CBLN3: variants seen among roughly 807,000 people sequenced by gnomAD.
CBLN3 encodes the protein cerebellin-3.
In CBLN3, 14 loss-of-function variants were observed where a neutral mutation model predicts 17.4. The observed-to-expected ratio is 0.81, with a 90% CI of 0.53 to 1.26. The LOEUF (loss-of-function observed/expected upper bound fraction) is 1.26. CBLN3 is among the 50% of genes most tolerant of loss of function. The pLI is 0.00. For missense variants in CBLN3, 263 were observed against 268.5 expected, an observed-to-expected ratio of 0.98 and a Z score of 0.14; for synonymous variants, 129 against 117.4, an observed-to-expected ratio of 1.10 and a Z score of -0.64.
chr14:24,428,628 C>G, intron 1 of CBLN3, 127 bp downstream of exon 1: 1 of 1,201,576 alleles, frequency 8.3e-7, no homozygotes, highest in Non-Finnish European at 1.2e-6. Context: ...GGCAATAGGC[C>G]AGATTAGTGA....
rs2043025038 is a variant in CBLN3 at position 24,426,849 on chromosome 14, T to C, written c.*940A>G. On this transcript the variant is annotated 3_prime_UTR_variant, in exon 3 of 3. Transcript: ENST00000267406. ...CAGCACAGATCAGGAGAAAGAGAGA[T>C]AGTGGGGATATGCTGGAACAGGTAC... 1 of 152,130 alleles carries C rather than the reference T, an allele frequency of 6.6e-6. No individual in the cohort carries two copies. The highest frequency in any genetic ancestry group is 3.2e-3 in the Middle Eastern group (1 of 314). The allele number at this position is 152,130 out of a possible 1,614,324, so 9.4% of individuals were successfully genotyped here. A position where few individuals can be genotyped will look rare whatever the true frequency, so the allele number is the denominator to read the frequency against.
chr14:24,428,210 C>A, intron 2 of CBLN3, 76 bp downstream of exon 2: 1 of 1,575,430 alleles, frequency 6.3e-7, no homozygotes, highest in Non-Finnish European at 8.6e-7. Flanking sequence ...AGAGTCCACC[C>A]GGAGGTCAGC....
At position 24,429,070 on chromosome 14, in the gene CBLN3, C is replaced by T; in HGVS notation, c.-16G>A. On this transcript the variant is annotated 5_prime_UTR_variant, in exon 1 of 3. Coordinates refer to ENST00000267406, the MANE Select transcript of CBLN3 (RefSeq NM_001039771.3). ...CTCCCAACATGGCTGAGGGGCTCTG[C>T]AACCCACAAGTGCCCCGGTCTTCTG... 6.8e-7 allele frequency: 1 copy of T among 1,478,682 alleles called. No individual in the cohort carries two copies. Among genetic ancestry groups the T allele is most frequent in the South Asian group, 1.3e-5 (1 of 74,806 alleles). The allele number at this position is 1,478,682 out of a possible 1,614,324, so 91.6% of individuals were successfully genotyped here.
rs1178395812 is a variant in CBLN3 at position 24,428,983 on chromosome 14, A to C, written c.72T>G (p.Leu24=). The part of the protein sequence containing the change: ...HSPGLPLVLV[L]LALGAGWAQE... ...GGGCCCACCCGGCCCCCAGGGCCAG[A>C]AGCACCAGAACCAAGGGCAGCCCGG... The change falls in exon 1 of 3, where the codon CTT becomes CTG. Residue 24 remains leucine, a synonymous_variant. Coordinates refer to ENST00000267406, the MANE Select transcript of CBLN3 (RefSeq NM_001039771.3). 6.4e-7 allele frequency: 1 copy of C among 1,550,676 alleles called. No homozygotes were observed. The highest frequency in any genetic ancestry group is 1.2e-5 in the South Asian group (1 of 84,056).
Position 24,428,773 on chromosome 14 carries a change from C to T in CBLN3, c.282G>A (p.Gly94=). The T allele has an allele frequency of 3.1e-6, 5 of 1,598,538 alleles. No homozygotes were observed. The highest frequency in any genetic ancestry group is 4.3e-6 in the Non-Finnish European group (5 of 1,170,238). ...PAGETGNGTS[G]AIYFDQVLVN... ...GGATTACCTGGTCGAAGTAGATGGC[C>T]CCACTGGTGCCATTGCCGGTTTCCC... Residue 94 remains glycine (G), a synonymous_variant, in exon 1 of 3, where the codon GGG becomes GGA. Transcript: ENST00000267406.
rs989682311 is a variant in CBLN3 at position 24,429,134 on chromosome 14, C to G, written c.-80G>C. On this transcript the variant is annotated 5_prime_UTR_variant, in exon 1 of 3. Transcript: ENST00000267406. ...TCCGCTCCTCTCCCTGGATTCTCAC[C>G]GCCGGCACCCTGATCGTCTGCCCTC... The G allele has an allele frequency of 7.1e-7, 1 of 1,408,886 alleles. No individual in the cohort carries two copies. Among genetic ancestry groups the G allele is most frequent in the Non-Finnish European group, 9.4e-7 (1 of 1,058,838 alleles). The allele number at this position is 1,408,886 out of a possible 1,614,324, so 87.3% of individuals were successfully genotyped here.
At position 24,427,893 on chromosome 14, in the gene CBLN3, G is replaced by A; in HGVS notation, c.514C>T (p.Pro172Ser). The A allele has an allele frequency of 1.2e-6, 2 of 1,614,058 alleles. No homozygotes were observed. The highest frequency in any genetic ancestry group is 8.5e-7 in the Non-Finnish European group (1 of 1,179,968). The change falls in exon 3 of 3, where the codon CCC becomes TCC. Residue 172 changes from proline to serine, a missense_variant. Pro to Ser is a moderately conservative substitution (Grantham distance 74, BLOSUM62 -1). Coordinates refer to ENST00000267406, the MANE Select transcript of CBLN3 (RefSeq NM_001039771.3). This position sits in a 1 kb window ranked among gnomAD's most constrained non-coding sequence, Gnocchi z 4.4. ...GACACTCGGTCCCCAGGGTCCAAGG[G>A]CAGTAGCACAGAGCTGGTGGCTGCC... ...REAATSSVLL[P>S]LDPGDRVSLR...
chr14:24,429,212 TC>T lies in CBLN3; in HGVS notation c.-159del. On this transcript the variant is annotated 5_prime_UTR_variant, in exon 1 of 3. An upstream open reading frame in the 5' UTR gains an earlier in-frame stop. Coordinates refer to ENST00000267406, the MANE Select transcript of CBLN3 (RefSeq NM_001039771.3). ...ACCTGTGTCCCAGCTCTGTCCTGCC[TC>T]CCACTCTTACTCCTGCTGTCACTGC... The T allele has an allele frequency of 1.3e-6, 1 of 744,690 alleles. No individual in the cohort carries two copies. The highest frequency in any genetic ancestry group is 2.2e-6 in the Non-Finnish European group (1 of 457,254). 46.1% of individuals were successfully genotyped at this position (744,690 alleles called of 1,614,324 possible).
chr14:24,429,375 C>G lies in CBLN3; in HGVS notation c.-321G>C, dbSNP rs953724948. On this transcript the variant is annotated 5_prime_UTR_variant, in exon 1 of 3. Transcript: ENST00000267406. ...GGCAGCCCTGCTGGATGGGACAGCA[C>G]TGAGGGCTGGACCTGGGGGGATGGA... The G allele has an allele frequency of 3.2e-6, 2 of 617,254 alleles. No individual in the cohort carries two copies. The highest frequency in any genetic ancestry group is 3.6e-5 in the African/African-American group (2 of 55,532). 38.2% of individuals were successfully genotyped at this position (617,254 alleles called of 1,614,324 possible).
chr14:24,428,678 C>T, intron 1 of CBLN3, 77 bp downstream of exon 1: 1 of 1,468,860 alleles, frequency 6.8e-7, no homozygotes, highest in Non-Finnish European at 9.2e-7. Context: ...TCAGAGACAG[C>T]AAAGTGGGCT....
At position 24,427,710 on chromosome 14, in the gene CBLN3, C is replaced by A; in HGVS notation, c.*79G>T. On this transcript the variant is annotated 3_prime_UTR_variant, in exon 3 of 3. Coordinates refer to ENST00000267406, the MANE Select transcript of CBLN3 (RefSeq NM_001039771.3). The surrounding 1 kb of genome is among the most constrained non-coding windows in gnomAD (Gnocchi z 4.4). ...GGAGCCAGAGGGAGTCTCTCTCCTG[C>A]CTCTGCTGTTTCTGGGGCAAGAGAG... 2 of 1,335,740 alleles carry A rather than the reference C, an allele frequency of 1.5e-6. No individual in the cohort carries two copies. Among genetic ancestry groups the A allele is most frequent in the South Asian group, 2.5e-5 (2 of 80,598 alleles). 82.7% of individuals were successfully genotyped at this position (1,335,740 alleles called of 1,614,324 possible).
Position 24,427,668 on chromosome 14 carries a change from T to G in CBLN3, c.*121A>C. 1.1e-6 allele frequency: 1 copy of G among 904,174 alleles called. No homozygotes were observed. The highest frequency in any genetic ancestry group is 1.8e-6 in the Non-Finnish European group (1 of 561,708). 56.0% of individuals were successfully genotyped at this position (904,174 alleles called of 1,614,324 possible). A position where few individuals can be genotyped will look rare whatever the true frequency, so the allele number is the denominator to read the frequency against. On this transcript the variant is annotated 3_prime_UTR_variant, in exon 3 of 3. Coordinates refer to ENST00000267406, the MANE Select transcript of CBLN3 (RefSeq NM_001039771.3). The surrounding 1 kb of genome is among the most constrained non-coding windows in gnomAD (Gnocchi z 4.4). ...CTTGGGTGTTTGGCACAGGGTCCCA[T>G]GCAAAGAGGTGGGATAGGAGCCAGA... is the stretch of plus-strand genomic sequence containing the variant.
chr14:24,429,149 C>G lies in CBLN3; in HGVS notation c.-95G>C. Reference sequence around the variant, plus strand: ...GGATTCTCACCGCCGGCACCCTGATCGTCTGCCCTCTCTAGGCTCGCTGAA... The same window carrying G: ...GGATTCTCACCGCCGGCACCCTGATGGTCTGCCCTCTCTAGGCTCGCTGAA... On this transcript the variant is annotated 5_prime_UTR_variant, in exon 1 of 3. Coordinates refer to ENST00000267406, the MANE Select transcript of CBLN3 (RefSeq NM_001039771.3). 7.5e-7 allele frequency: 1 copy of G among 1,340,244 alleles called. No homozygotes were observed. 83.0% of individuals were successfully genotyped at this position (1,340,244 alleles called of 1,614,324 possible). A position where few individuals can be genotyped will look rare whatever the true frequency, so the allele number is the denominator to read the frequency against.
chr14:24,428,482 G>A, intron 1 of CBLN3, 77 bp from the exon 2 acceptor site: 1 of 1,540,622 alleles, frequency 6.5e-7, no homozygotes, highest in Non-Finnish European at 8.9e-7. Context: ...CTAGGGGCAG[G>A]GGCAGTGAGT....
chr14:24,428,117 T>C (rs1032347786), intron 2 of CBLN3, 131 bp from the exon 3 acceptor site: 24 of 1,317,198 alleles, frequency 1.8e-5, no homozygotes, highest in Non-Finnish European at 2.4e-5. Context: ...GCGGCCAGCA[T>C]TGGACTCTGC....
Position 24,429,535 on chromosome 14 carries a change from G to A in CBLN3, c.-481C>T. The A allele has an allele frequency of 2.2e-6, 1 of 448,290 alleles. No individual in the cohort carries two copies. Among genetic ancestry groups the A allele is most frequent in the East Asian group, 8.1e-5 (1 of 12,328 alleles). 27.8% of individuals were successfully genotyped at this position (448,290 alleles called of 1,614,324 possible). A position where few individuals can be genotyped will look rare whatever the true frequency, so the allele number is the denominator to read the frequency against. On this transcript the variant is annotated 5_prime_UTR_variant, in exon 1 of 3. Transcript: ENST00000267406. ...CACAAATCAACAGCCCTTCTTCGTG[G>A]CATCTTTCCGTTTGTTGGAAGAAAG... is the stretch of plus-strand genomic sequence containing the variant.
chr14:24,427,543 C>T lies in CBLN3; in HGVS notation c.*246G>A. ...AAACCTTGCCCTGATCCTAGGGCTGCAGGCAGGAACAGATGCAGCAGGTGG... is the reference window on the plus strand; with the variant it reads ...AAACCTTGCCCTGATCCTAGGGCTGTAGGCAGGAACAGATGCAGCAGGTGG... On this transcript the variant is annotated 3_prime_UTR_variant, in exon 3 of 3. Coordinates refer to ENST00000267406, the MANE Select transcript of CBLN3 (RefSeq NM_001039771.3). The surrounding 1 kb of genome is among the most constrained non-coding windows in gnomAD (Gnocchi z 4.4). 2 of 498,036 alleles carry T rather than the reference C, an allele frequency of 4.0e-6. No homozygotes were observed. The highest frequency in any genetic ancestry group is 7.0e-6 in the Non-Finnish European group (2 of 286,794). The allele number at this position is 498,036 out of a possible 1,614,324, so 30.9% of individuals were successfully genotyped here.
rs1279433327 is a variant in CBLN3 at position 24,428,953 on chromosome 14, C to G, written c.102G>C (p.Glu34Asp). ...LLALGAGWAQ[E>D]GSEPVLLEGE... ...CCTCCAGCAGGACGGGCTCTGACCC[C>G]TCCTGGGCCCACCCGGCCCCCAGGG... The change falls in exon 1 of 3, where the codon GAG becomes GAC. Residue 34 changes from glutamate (E) to aspartate (D), a missense_variant. Glu to Asp is a conservative substitution (Grantham distance 45). Transcript: ENST00000267406. The G allele has an allele frequency of 6.4e-7, 1 of 1,552,670 alleles. No homozygotes were observed.
chr14:24,428,574 C>CTGCG (rs1383251489), intron 1 of CBLN3, among the ~76,000 whole-genome samples, 169 bp from the exon 2 acceptor site: 2 of 150,504 alleles, frequency 1.3e-5, no homozygotes. Context: ...AAGGAGAGGG[C>CTGCG]TGCGTATGGG....
Sources: gnomAD v4.1 joint callset for allele counts (sites outside exome capture counted in the v4.1 genomes callset) on GRCh38, gnomAD v4.1.1 for gene constraint, Gnocchi (gnomAD v3.1) non-coding constraint, MANE v1.5 for transcripts, NCBI Gene and HGNC (gene_info 2026-07-23, HGNC 2026-07-21) for gene names.